The following RARB variants were observed in gnomAD, a reference collection of about 807,000 sequenced individuals.
The protein encoded by RARB is HBV-activated protein.
Under a neutral mutation model 51.9 loss-of-function variants are expected in RARB, and 17 were observed. The ratio of observed to expected loss-of-function variants is 0.33; its 90% CI spans 0.22 to 0.49. The LOEUF (loss-of-function observed/expected upper bound fraction) is 0.49, where lower values mean the gene tolerates loss of function less well. Ranked by LOEUF, RARB falls within the 20% of genes least tolerant of loss-of-function variation. The probability of loss-of-function intolerance (pLI) is 0.99; values close to 1 mark genes in which losing one functional copy is unlikely to be tolerated. For missense variants in RARB, 369 were observed against 550.8 expected (o/e 0.67, Z 3.30); for synonymous variants, 215 against 195.4 (o/e 1.10, Z -0.84).
chr3:25,054,807 T>C (rs758745901), intron 2 of RARB, among the ~76,000 whole-genome samples: 1 of 152,202 alleles, frequency 6.6e-6, no homozygotes, highest in Non-Finnish European at 1.5e-5. Flanking sequence ...ATTTATGTGC[T>C]ACCACTAGCA....
chr3:24,870,609 C>T (rs889440621), intron 2 of RARB, among the ~76,000 whole-genome samples: 1 of 151,980 alleles, frequency 6.6e-6, no homozygotes, highest in African/African-American at 2.4e-5. Flanking sequence ...TTATGTTAAT[C>T]ATTTGATTGT....
chr3:25,383,058 A>C (rs538893428), intron 5 of RARB, among the ~76,000 whole-genome samples: 3 of 152,342 alleles, frequency 2.0e-5, no homozygotes, highest in Non-Finnish European at 4.4e-5. Flanking sequence ...ATAATGTCCC[A>C]AAGGTATGCT....
At chr3:24,999,706 G>A (rs767210227) in intron 2 of RARB, among the ~76,000 whole-genome samples, 6 of 152,120 alleles carry the variant, frequency 3.9e-5, no homozygotes, top group Non-Finnish European at 7.4e-5. Flanking sequence ...ACTTGCTTCA[G>A]CACAAAAGAC....
In RARB at chr3:25,501,282, G is replaced by A; in HGVS notation, c.407G>A (p.Cys136Tyr). Residue 136 changes from cysteine (C) to tyrosine (Y), a missense_variant, in exon 3 of 8, where the codon TGT becomes TAT. Cys to Tyr is a radical substitution (Grantham distance 194). This residue lies in a region of RARB where 9 missense variants were observed against 33.1 expected (regional missense o/e 0.27). Transcript: ENST00000330688. The stretch of plus-strand genomic sequence containing the variant: ...GTCACCAGGAATCGATGCCAATACT[G>A]TCGACTCCAGAAGTGCTTTGAAGTG... ...NKVTRNRCQY[C>Y]RLQKCFEVGM... is the part of the protein sequence containing the mutation. 6.2e-7 allele frequency: 1 copy of A among 1,611,042 alleles called. No homozygotes were observed. The highest frequency in any genetic ancestry group is 8.5e-7 in the Non-Finnish European group (1 of 1,179,176).
Position 25,171,512 on chromosome 3 carries a change from G to A in RARB, c.-279-2607G>A, listed in dbSNP as rs1394836157. 1.6e-3 allele frequency among the ~76,000 whole-genome samples: 69 copies of A among 44,482 alleles called. 1 individual carries two copies. The highest frequency in any genetic ancestry group is 0.012 in the Admixed American group (37 of 2,994). The allele number at this position is 44,482 out of a possible 152,430, so 29.2% of individuals were successfully genotyped here. On this transcript the variant is annotated intron_variant, in intron 4 of 11. Coordinates refer to the RARB transcript ENST00000383772. ...AAAAAAAAAAAAAAAAAAAAAAAAA[G>A]CCCAGACATGATACCAGACCTCTCA...
chr3:25,113,676 G>A (rs1225411400), intron 3 of RARB, among the ~76,000 whole-genome samples: 1 of 152,108 alleles, frequency 6.6e-6, no homozygotes, highest in Non-Finnish European at 1.5e-5. Flanking sequence ...CGGCCCCAGG[G>A]TTTTGCAGAC....
intron 1 of RARB, among the ~76,000 whole-genome samples, chr3:25,456,682 T>TATATATATATATATAG (rs1491372969): frequency 3.4e-5 from 3 of 88,392 alleles, no homozygotes; most frequent in East Asian, 3.7e-4. Flanking sequence ...TATATATATA[T>TATATATATATATATAG]AGAGAGAGAG....
chr3:25,231,432 T>A (rs1408477497), intron 5 of RARB, among the ~76,000 whole-genome samples: 1 of 152,156 alleles, frequency 6.6e-6, no homozygotes, highest in African/African-American at 2.4e-5. Flanking sequence ...CAAGAAATCC[T>A]TATAGACCTT....
intron 5 of RARB, among the ~76,000 whole-genome samples, chr3:25,290,714 G>A (rs920921379): frequency 6.6e-6 from 1 of 152,136 alleles, no homozygotes; most frequent in African/African-American, 2.4e-5. Flanking sequence ...TGCTCTATTG[G>A]TTGATAACTG....
At chr3:25,014,760 G>C (rs1697472055) in intron 2 of RARB, among the ~76,000 whole-genome samples, 1 of 151,730 alleles carries the variant, frequency 6.6e-6, no homozygotes, top group Admixed American at 6.6e-5. Context: ...AGAGTGAGAT[G>C]GACACTACTA....
chr3:25,251,150 T>A (rs1483286070), intron 5 of RARB, among the ~76,000 whole-genome samples: 2 of 152,174 alleles, frequency 1.3e-5, no homozygotes, highest in East Asian at 3.9e-4. Context: ...TTGACTGGCT[T>A]CTTTAACATA....
chr3:24,854,378 A>G (rs996037021), intron 1 of RARB, among the ~76,000 whole-genome samples: 1 of 152,208 alleles, frequency 6.6e-6, no homozygotes, highest in Non-Finnish European at 1.5e-5. Flanking sequence ...GTTATTAACA[A>G]TTAGAAACTT....
intron 2 of RARB, among the ~76,000 whole-genome samples, chr3:24,871,776 G>T (rs1702952867): frequency 6.6e-6 from 1 of 152,132 alleles, no homozygotes; most frequent in African/African-American, 2.4e-5. Flanking sequence ...TGGCTTCTCA[G>T]TTTCTGTTAT....
rs949632928 is a variant in RARB, at chr3:25,574,594, C to T, written c.609+4676C>T. ...TGCTCCCGGCCTCCCACTGCTCTGC[C>T]GTGTGCGGGCCGCTCATCACCAGGT... On this transcript the variant is annotated intron_variant, in intron 4 of 7. Transcript: ENST00000330688. Among the ~76,000 whole-genome samples, 6 of 152,186 alleles carry T rather than the reference C, an allele frequency of 3.9e-5. No individual in the cohort carries two copies. In the South Asian group the frequency reaches 6.2e-4, roughly 16 times the overall value.
chr3:24,832,751 A>T (rs987005466), intron 1 of RARB, among the ~76,000 whole-genome samples: 2 of 151,184 alleles, frequency 1.3e-5, no homozygotes, highest in Admixed American at 1.3e-4. Flanking sequence ...AGAACTTGGG[A>T]ATGAAATAGG....
rs1383328596 is a variant in RARB at position 25,501,220 on chromosome 3, C to T, written c.345C>T (p.Tyr115=). The part of the protein sequence containing the change: ...FRRSIQKNMI[Y]TCHRDKNCVI... ...GAAGTATTCAGAAGAATATGATTTA[C>T]ACTTGTCACCGAGATAAGAACTGTG... The change falls in exon 3 of 8, where the codon TAC becomes TAT. Residue 115 remains tyrosine (Y), a synonymous_variant. Coordinates refer to ENST00000330688, the MANE Select transcript of RARB (RefSeq NM_000965.5). The T allele has an allele frequency of 1.0e-5, 16 of 1,607,790 alleles. No individual in the cohort carries two copies. The highest frequency in any genetic ancestry group is 1.3e-5 in the African/African-American group (1 of 74,438).
chr3:25,188,847 A>C (rs1378194294), intron 5 of RARB, among the ~76,000 whole-genome samples: 1 of 152,132 alleles, frequency 6.6e-6, no homozygotes, highest in East Asian at 1.9e-4. Context: ...CTTGTGAAAA[A>C]ATTATATGTG....
At chr3:25,566,279 A>G (rs1700491602) in intron 3 of RARB, among the ~76,000 whole-genome samples, 1 of 152,224 alleles carries the variant, frequency 6.6e-6, no homozygotes, top group African/African-American at 2.4e-5. Context: ...TAATTGGGGC[A>G]TCATCACCAG....
chr3:25,215,219 G>A (rs1177918902), intron 5 of RARB, among the ~76,000 whole-genome samples: 1 of 152,198 alleles, frequency 6.6e-6, no homozygotes, highest in African/African-American at 2.4e-5. Context: ...TTCCCAGGTG[G>A]TTCTCTGTAG....
Sources: allele counts gnomAD v4.1 joint callset (sites outside exome capture counted in the v4.1 genomes callset), GRCh38; gene constraint gnomAD v4.1.1; regional missense constraint gnomAD v4.1.1; transcripts MANE v1.5; gene names NCBI Gene and HGNC (gene_info 2026-07-23, HGNC 2026-07-21).